Variants in TBC1D9B observed in about 807,000 individuals in gnomAD.
TBC1D9B encodes the protein TBC1 domain family member 9B, also known as TBC1 domain family, member 9B (with GRAM domain).
TBC1D9B carries 87 observed loss-of-function variants against 121.1 expected under a neutral mutation model. The ratio of observed to expected loss-of-function variants is 0.72; its 90% confidence interval spans 0.60 to 0.86. TBC1D9B has a LOEUF of 0.86. Among genes scored for constraint, TBC1D9B ranks in the 40% least tolerant of loss-of-function variants. TBC1D9B has a pLI of 0.00. For synonymous variants in TBC1D9B, 668 were observed against 670.1 expected (o/e 1.00, Z 0.05); for missense variants, 1,540 against 1,628.6 (o/e 0.95, Z 0.94).
At chr5:179,873,859 G>A (rs758158059) in intron 12 of TBC1D9B, among the ~76,000 whole-genome samples, 1 of 152,136 alleles carries the variant, frequency 6.6e-6, no homozygotes, top group East Asian at 1.9e-4. Context: ...CATATCCCCA[G>A]TCAGACCCCT....
Position 179,894,374 on chromosome 5 carries a change from G to A in TBC1D9B, c.577+12C>T, listed in dbSNP as rs779959491. The A allele has an allele frequency of 3.1e-6, 5 of 1,604,196 alleles. No homozygotes were observed. The highest frequency in any genetic ancestry group is 4.3e-6 in the Non-Finnish European group (5 of 1,175,882). Reference sequence around the variant, plus strand: ...GGTGTGGGGGCTGGGGCACACTGAGGGGCGGGCTCACCTTCCTTCCCCAGC... The same window carrying A: ...GGTGTGGGGGCTGGGGCACACTGAGAGGCGGGCTCACCTTCCTTCCCCAGC... On this transcript the variant is annotated intron_variant, in intron 4 of 20. Transcript: ENST00000355235.
intron 7 of TBC1D9B, 192 bp downstream of exon 7, chr5:179,887,911 G>T: frequency 1.5e-6 from 1 of 685,688 alleles, no homozygotes; most frequent in Non-Finnish European, 2.5e-6. Flanking sequence ...GTGGCTGGGG[G>T]TGCAGAGAGG....
chr5:179,897,996 G>A lies in TBC1D9B; in HGVS notation c.348+1193C>T, dbSNP rs1761063479. Among the ~76,000 whole-genome samples, 7 of 152,228 alleles carry A rather than the reference G, an allele frequency of 4.6e-5. No individual in the cohort carries two copies. The South Asian group carries it at 1.5e-3, about 32-fold the overall frequency. Reference sequence around the variant, plus strand: ...AGCCCTCCCATGAATCTAACTTAAGGCAATAACCTAACAGAAAGAAAAAGA... The same window carrying A: ...AGCCCTCCCATGAATCTAACTTAAGACAATAACCTAACAGAAAGAAAAAGA... On this transcript the variant is annotated intron_variant, in intron 3 of 20. Coordinates refer to ENST00000355235, the MANE Select transcript of TBC1D9B (RefSeq NM_015043.4).
In TBC1D9B at chr5:179,874,545, G is replaced by A. The variant is rs920775264; in HGVS notation, c.2186+357C>T. Among the ~76,000 whole-genome samples the A allele has an allele frequency of 1.3e-5, 2 of 152,276 alleles. 1 individual carries two copies. The highest frequency in any genetic ancestry group is 4.1e-4 in the South Asian group (2 of 4,828). On this transcript the variant is annotated intron_variant, in intron 12 of 20. Transcript: ENST00000355235. The surrounding 1 kb of genome is among the most constrained non-coding windows in gnomAD (Gnocchi z 4.3). The stretch of plus-strand genomic sequence containing the variant: ...CAGCTGAGCTTGGAGAGGTATGACC[G>A]GGACCACCTGGTGGACATGAAATGC...
chr5:179,876,184 C>G (rs1437411136), intron 10 of TBC1D9B, 147 bp from the exon 11 acceptor site: 1 of 660,866 alleles, frequency 1.5e-6, no homozygotes, highest in African/African-American at 1.9e-5. Flanking sequence ...TTTTCAGGTT[C>G]TCGTGGTGAA....
chr5:179,904,126 G>T lies in TBC1D9B; in HGVS notation c.229+576C>A, dbSNP rs1761235338. ...TGAGAAAAGGTGGCATGAGAATGTG[G>T]ACATTGGCTAGCCCCACACCTGCGT... On this transcript the variant is annotated intron_variant, in intron 2 of 20. Coordinates refer to ENST00000355235, the MANE Select transcript of TBC1D9B (RefSeq NM_015043.4). The surrounding 1 kb of genome is among the most constrained non-coding windows in gnomAD (Gnocchi z 4.2). Among the ~76,000 whole-genome samples, 1 of 152,056 alleles carries T rather than the reference G, an allele frequency of 6.6e-6. No homozygotes were observed. The highest frequency in any genetic ancestry group is 1.5e-5 in the Non-Finnish European group (1 of 68,030).
chr5:179,907,337 G>A lies in TBC1D9B; in HGVS notation c.118+367C>T, dbSNP rs559861478. ...CTGGGGAAACTGAGGTGGAGGATGAGGACAGGGCGGTCTCGCCAACTTTCG... is the reference window on the plus strand; with the variant it reads ...CTGGGGAAACTGAGGTGGAGGATGAAGACAGGGCGGTCTCGCCAACTTTCG... On this transcript the variant is annotated intron_variant, in intron 1 of 20. Transcript: ENST00000355235. The surrounding 1 kb of genome is among the most constrained non-coding windows in gnomAD (Gnocchi z 5.3). Among the ~76,000 whole-genome samples, 65 of 152,258 alleles carry A rather than the reference G, an allele frequency of 4.3e-4. No individual in the cohort carries two copies. The South Asian group carries it at 8.3e-3, about 19-fold the overall frequency.
At chr5:179,898,216 A>G (rs1561648525) in intron 3 of TBC1D9B, among the ~76,000 whole-genome samples, 1 of 148,856 alleles carries the variant, frequency 6.7e-6, no homozygotes, top group African/African-American at 2.5e-5. Flanking sequence ...CAGTGGCATC[A>G]TCTTGGCTCA....
At chr5:179,894,141 G>A (rs932466304) in intron 4 of TBC1D9B, among the ~76,000 whole-genome samples, 3 of 152,198 alleles carry the variant, frequency 2.0e-5, no homozygotes, top group South Asian at 4.1e-4. Context: ...GCAGAAGAGG[G>A]CAGGGCAGGC....
intron 9 of TBC1D9B, 82 bp from the exon 10 acceptor site, chr5:179,878,605 G>C (rs1218992861): frequency 8.1e-6 from 11 of 1,360,390 alleles, no homozygotes; most frequent in African/African-American, 1.4e-5. Flanking sequence ...GAGTCACCGG[G>C]TGCCCCACAG....
At chr5:179,903,211 A>T (rs867615295) in intron 2 of TBC1D9B, among the ~76,000 whole-genome samples, 16 of 152,208 alleles carry the variant, frequency 1.1e-4, no homozygotes, top group African/African-American at 3.6e-4. Context: ...CAGGTTACTC[A>T]ACCCCTCTGG....
chr5:179,873,269 C>T, intron 12 of TBC1D9B, 21 bp from the exon 13 acceptor site: 11 of 1,567,880 alleles, frequency 7.0e-6, no homozygotes, highest in Non-Finnish European at 9.5e-6. Flanking sequence ...CAGAGGACAA[C>T]AGTCCAGACC....
In TBC1D9B at chr5:179,899,241, G is replaced by A; in HGVS notation, c.296C>T (p.Ser99Phe). The A allele has an allele frequency of 6.2e-7, 1 of 1,614,162 alleles. No homozygotes were observed. The highest frequency in any genetic ancestry group is 1.3e-5 in the African/African-American group (1 of 75,034). The change falls in exon 3 of 21, where the codon TCC (serine) becomes TTC (phenylalanine). Residue 99 changes from serine to phenylalanine, a missense_variant. Coordinates refer to ENST00000355235, the MANE Select transcript of TBC1D9B (RefSeq NM_015043.4). ...WLENNLLQTL[S>F]IFDSEEDITT... The stretch of plus-strand genomic sequence containing the variant: ...GATATCTTCCTCACTGTCGAAGATG[G>A]ACAGTGTCTGGAGCAAGTTATTTTC...
In TBC1D9B at chr5:179,863,372, TAAGG is replaced by T; in HGVS notation, c.*72_*75del. 6.7e-7 allele frequency: 1 copy of T among 1,501,526 alleles called. No individual in the cohort carries two copies. The highest frequency in any genetic ancestry group is 9.0e-7 in the Non-Finnish European group (1 of 1,110,130). The allele number at this position is 1,501,526 out of a possible 1,614,324, so 93.0% of individuals were successfully genotyped here. ...GGGCACACCTTTAAAGAGAAACTGA[TAAGG>T]GAGGAAAGGCAGGAGGAGATGAGGC... On this transcript the variant is annotated 3_prime_UTR_variant, in exon 21 of 21. Transcript: ENST00000355235. This position sits in a 1 kb window ranked among gnomAD's most constrained non-coding sequence, Gnocchi z 4.5.
At chr5:179,883,841 C>T (rs966851755) in intron 7 of TBC1D9B, among the ~76,000 whole-genome samples, 13 of 152,290 alleles carry the variant, frequency 8.5e-5, no homozygotes, top group African/African-American at 1.4e-4. Context: ...GGATGTTCTA[C>T]GTACGGGCAG....
At position 179,874,529 on chromosome 5, in the gene TBC1D9B, T is replaced by C. The variant is rs974856789; in HGVS notation, c.2186+373A>G. On this transcript the variant is annotated intron_variant, in intron 12 of 20. Transcript: ENST00000355235. This position sits in a 1 kb window ranked among gnomAD's most constrained non-coding sequence, Gnocchi z 4.3. The stretch of plus-strand genomic sequence containing the variant: ...CATGGGGGCTGCAATGCAGCTGAGC[T>C]TGGAGAGGTATGACCGGGACCACCT... 6.6e-6 allele frequency among the ~76,000 whole-genome samples: 1 copy of C among 152,090 alleles called. No homozygotes were observed. The highest frequency in any genetic ancestry group is 6.5e-5 in the Admixed American group (1 of 15,270).
intron 18 of TBC1D9B, 156 bp downstream of exon 18, chr5:179,867,622 T>C (rs1157141815): frequency 6.8e-7 from 1 of 1,479,108 alleles, no homozygotes; most frequent in Non-Finnish European, 9.3e-7. Context: ...CCCGCCAGCA[T>C]GGCAGAGCCC....
In TBC1D9B at chr5:179,865,881, T is replaced by C. The variant is rs369841273; in HGVS notation, c.2871A>G (p.Leu957=). 4.3e-6 allele frequency: 7 copies of C among 1,613,774 alleles called. No homozygotes were observed. The highest frequency in any genetic ancestry group is 5.1e-6 in the Non-Finnish European group (6 of 1,179,788). ...FTEDSSSEEA[L]PQEEQEGSGS... ...CACTTCCTTCTTGCTCTTCCTGTGG[T>C]AGTGCTTCTGGACAAACGCAAAAAT... The change falls in exon 19 of 21, where the codon CTA becomes CTG. Residue 957 remains leucine, a synonymous_variant. Transcript: ENST00000355235. The surrounding 1 kb of genome is among the most constrained non-coding windows in gnomAD (Gnocchi z 5.1).
intron 3 of TBC1D9B, 43 bp from the exon 4 acceptor site, chr5:179,894,657 C>G: frequency 6.2e-7 from 1 of 1,605,804 alleles, no homozygotes; most frequent in South Asian, 1.1e-5. Context: ...TGCACAGTCC[C>G]GGACAGGTCA....
Sources: allele counts gnomAD v4.1 joint callset (sites outside exome capture counted in the v4.1 genomes callset), GRCh38; gene constraint gnomAD v4.1.1; non-coding constraint Gnocchi (gnomAD v3.1); transcripts MANE v1.5; gene names NCBI Gene and HGNC (gene_info 2026-07-23, HGNC 2026-07-21).